Variants in SLC4A5 observed in about 807,000 individuals in gnomAD.
SLC4A5 encodes the protein solute carrier family 4 member 5.
In SLC4A5, 96 loss-of-function variants were observed where a neutral mutation model predicts 120.4. The ratio of observed to expected loss-of-function variants is 0.80; its 90% CI spans 0.68 to 0.94. The LOEUF is 0.94. Among genes scored for constraint, SLC4A5 ranks in the 40% least tolerant of loss-of-function variants. The pLI, the probability that SLC4A5 is intolerant of heterozygous loss-of-function variation, is 0.00. For missense variants in SLC4A5, 1,259 were observed against 1,459.5 expected, an observed-to-expected ratio of 0.86 and a Z score of 2.24; for synonymous variants, 550 against 571.1, an observed-to-expected ratio of 0.96 and a Z score of 0.53.
intron 19 of SLC4A5, among the ~76,000 whole-genome samples, chr2:74,242,740 C>T (rs976113578): frequency 2.0e-5 from 3 of 152,192 alleles, no homozygotes; most frequent in Non-Finnish European, 2.9e-5. Flanking sequence ...GCAATCTCTA[C>T]CTCCCAGGTT....
intron 21 of SLC4A5, among the ~76,000 whole-genome samples, chr2:74,236,055 G>C (rs1425946047): frequency 6.6e-6 from 1 of 152,064 alleles, no homozygotes; most frequent in Non-Finnish European, 1.5e-5. Context: ...TATGTAATTG[G>C]TTAAAAACCC....
At chr2:74,319,503 T>C (rs543119281) in intron 5 of SLC4A5, 1 of 152,190 alleles carries the variant, frequency 6.6e-6, no homozygotes, top group South Asian at 2.1e-4. Flanking sequence ...ATAGTTAATA[T>C]CTTCAAGGAG....
chr2:74,225,827 G>A (rs568963539), intron 27 of SLC4A5, among the ~76,000 whole-genome samples: 8 of 152,194 alleles, frequency 5.3e-5, no homozygotes, highest in Non-Finnish European at 1.2e-4. Flanking sequence ...ATCAATAGGT[G>A]GAGGGTGTGG....
At chr2:74,307,737 C>T (rs1672689799) in intron 6 of SLC4A5, 7 of 720,478 alleles carry the variant, frequency 9.7e-6, no homozygotes, top group Non-Finnish European at 1.7e-5. Context: ...GGTAGGAGGC[C>T]AGGAGGTCGT....
intron 7 of SLC4A5, among the ~76,000 whole-genome samples, chr2:74,301,389 A>G (rs752499689): frequency 1.1e-4 from 17 of 152,178 alleles, no homozygotes; most frequent in Admixed American, 2.6e-4. Flanking sequence ...CCTCAGGCCC[A>G]GACACATCTA....
intron 29 of SLC4A5, among the ~76,000 whole-genome samples, chr2:74,221,784 T>G (rs1694658049): frequency 6.6e-6 from 1 of 152,028 alleles, no homozygotes; most frequent in African/African-American, 2.4e-5. Context: ...GTACCTATGA[T>G]GGACAGTGCT....
chr2:74,251,227 T>C (rs989651361), intron 16 of SLC4A5, among the ~76,000 whole-genome samples: 42 of 151,760 alleles, frequency 2.8e-4, no homozygotes, highest in African/African-American at 9.9e-4. Context: ...CAAGCAAAAA[T>C]GTCTCTGGAC....
chr2:74,301,347 G>A (rs1377309117), intron 7 of SLC4A5, among the ~76,000 whole-genome samples: 3 of 152,178 alleles, frequency 2.0e-5, no homozygotes, highest in African/African-American at 7.2e-5. Flanking sequence ...AGGGGTCTCT[G>A]CTCAATCCTC....
intron 7 of SLC4A5, chr2:74,290,785 T>C: frequency 1.0e-6 from 1 of 987,018 alleles, no homozygotes; most frequent in African/African-American, 1.7e-5. Flanking sequence ...TGGTGGCAGC[T>C]GAGGACCTGT....
chr2:74,290,713 G>T, intron 7 of SLC4A5: 1 of 985,640 alleles, frequency 1.0e-6, no homozygotes. Context: ...ACTAGAGAGA[G>T]AAAGGCTCAG....
chr2:74,256,238 G>A (rs959436210), intron 12 of SLC4A5, among the ~76,000 whole-genome samples: 11 of 152,074 alleles, frequency 7.2e-5, no homozygotes, highest in African/African-American at 1.4e-4. Flanking sequence ...GAAGAGCCCC[G>A]GGGTTGCCGG....
intron 2 of SLC4A5, among the ~76,000 whole-genome samples, chr2:74,341,728 G>A (rs995393141): frequency 6.6e-6 from 1 of 152,228 alleles, no homozygotes; most frequent in African/African-American, 2.4e-5. Context: ...GATCTAGGAA[G>A]TCCAATATAA....
At chr2:74,315,130 G>A in intron 5 of SLC4A5, 105 bp from the exon 6 acceptor site, 1 of 970,100 alleles carries the variant, frequency 1.0e-6, no homozygotes, top group East Asian at 2.5e-5. Flanking sequence ...TTTTAATACA[G>A]ATAAAAAACT....
chr2:74,241,931 C>A (rs1370066015), intron 20 of SLC4A5, 63 bp downstream of exon 20: 2 of 1,529,086 alleles, frequency 1.3e-6, no homozygotes, highest in East Asian at 2.4e-5. Flanking sequence ...TTTCCAAAAT[C>A]TTTTCTCCCT....
intron 6 of SLC4A5, among the ~76,000 whole-genome samples, chr2:74,312,154 T>A (rs918978128): frequency 6.6e-6 from 1 of 152,214 alleles, no homozygotes; most frequent in Admixed American, 6.5e-5. Flanking sequence ...AGTGTTATCA[T>A]GGTATATCTT....
intron 3 of SLC4A5, among the ~76,000 whole-genome samples, chr2:74,335,514 C>T (rs1248275617): frequency 6.6e-6 from 1 of 152,190 alleles, no homozygotes; most frequent in Non-Finnish European, 1.5e-5. Flanking sequence ...CCTGAGCTAC[C>T]CTGGAAAGCT....
At chr2:74,248,861 T>A (rs1316915428) in intron 17 of SLC4A5, among the ~76,000 whole-genome samples, 9 of 152,224 alleles carry the variant, frequency 5.9e-5, no homozygotes. Context: ...ATTCATTTAT[T>A]CAAAGTCCGC....
chr2:74,253,220 T>G (rs961570443), intron 14 of SLC4A5, 92 bp from the exon 15 acceptor site: 47 of 1,460,322 alleles, frequency 3.2e-5, no homozygotes, highest in Non-Finnish European at 4.1e-5. Flanking sequence ...AGGAATCCCT[T>G]TGAACCACAT....
intron 7 of SLC4A5, among the ~76,000 whole-genome samples, chr2:74,287,031 C>T (rs1672006094): frequency 1.3e-5 from 2 of 152,260 alleles, no homozygotes; most frequent in South Asian, 2.1e-4. Context: ...CTCATCTTCA[C>T]ACTCATATTG....
Sources: allele counts gnomAD v4.1 joint callset (sites outside exome capture counted in the v4.1 genomes callset), GRCh38; gene constraint gnomAD v4.1.1; transcripts MANE v1.5; gene names NCBI Gene and HGNC (gene_info 2026-07-23, HGNC 2026-07-21).